Variants in COX11 observed in about 807,000 individuals in gnomAD.
The protein encoded by COX11 is cytochrome c oxidase assembly protein COX11, mitochondrial.
A neutral mutation model predicts 29.4 loss-of-function variants in COX11; 18 were observed. The ratio of observed to expected loss-of-function variants is 0.61; its 90% confidence interval spans 0.42 to 0.91. The LOEUF is 0.91. Among genes scored for constraint, COX11 ranks in the 40% least tolerant of loss-of-function variants. COX11 has a pLI of 0.00. For synonymous variants in COX11, 131 were observed against 124.0 expected, an observed-to-expected ratio of 1.06 and a Z score of -0.38; for missense variants, 312 against 346.0, an observed-to-expected ratio of 0.90 and a Z score of 0.78.
chr17:54,956,282 C>A (rs894379354), downstream of COX11, among the ~76,000 whole-genome samples: 15 of 151,990 alleles, frequency 9.9e-5, no homozygotes, highest in Non-Finnish European at 2.2e-4. Flanking sequence ...GTAGCTGAGA[C>A]TATTGGGGTG....
At chr17:54,963,193 G>T in intron 3 of COX11, 113 bp downstream of exon 3, 1 of 1,215,812 alleles carries the variant, frequency 8.2e-7, no homozygotes, top group Non-Finnish European at 1.2e-6. Context: ...ATAGCTTGAT[G>T]TTTAGAAGAA....
intron 1 of COX11, among the ~76,000 whole-genome samples, chr17:54,967,042 GCA>G (rs71159276): frequency 0.33 from 31,767 of 95,544 alleles, 3,656 homozygotes; most frequent in Middle Eastern, 0.5. Flanking sequence ...GCGCGCGCGC[GCA>G]CACACACACA....
downstream of COX11, among the ~76,000 whole-genome samples, chr17:54,958,838 G>C (rs2077030508): frequency 6.6e-6 from 1 of 151,478 alleles, no homozygotes; most frequent in East Asian, 1.9e-4. Flanking sequence ...GGGAGACATG[G>C]GAGATGCTGG....
Position 54,968,626 on chromosome 17 carries a change from A to G in COX11, c.21T>C (p.Pro7=), listed in dbSNP as rs775138097. MGGLWR[P]GWRCVPFCGW... ...CACAGAAAGGAACGCACCTCCATCC[A>G]GGACGCCAGAGCCCTCCCATAACCC... is the stretch of plus-strand genomic sequence containing the variant. The change falls in exon 1 of 4, where the codon CCT becomes CCC. Residue 7 remains proline (P), a synonymous_variant. Transcript: ENST00000299335. 15 of 1,612,588 alleles carry G rather than the reference A, an allele frequency of 9.3e-6. No individual in the cohort carries two copies. Among genetic ancestry groups the G allele is most frequent in the South Asian group, 2.2e-5 (2 of 91,076 alleles).
At chr17:54,963,567 A>G in intron 2 of COX11, 136 bp from the exon 3 acceptor site, 2 of 790,470 alleles carry the variant, frequency 2.5e-6, no homozygotes, top group East Asian at 3.0e-5. Flanking sequence ...AGCAAAATAA[A>G]TTGTGAATAT....
downstream of COX11, among the ~76,000 whole-genome samples, chr17:54,959,771 C>G (rs956930579): frequency 6.6e-6 from 1 of 151,970 alleles, no homozygotes; most frequent in African/African-American, 2.4e-5. Context: ...GTGTGTACCA[C>G]CACACATGAT....
intron 1 of COX11, among the ~76,000 whole-genome samples, chr17:54,967,714 T>C (rs1598119777): frequency 1.3e-5 from 2 of 150,452 alleles, no homozygotes; most frequent in East Asian, 2.0e-4. Context: ...CCCAGAACCG[T>C]TGCAATGTAC....
chr17:54,966,235 G>A (rs1394668635), intron 1 of COX11, among the ~76,000 whole-genome samples: 3 of 152,062 alleles, frequency 2.0e-5, no homozygotes, highest in Non-Finnish European at 2.9e-5. Flanking sequence ...TTTGAATATG[G>A]GTTCAAATTT....
downstream of COX11, among the ~76,000 whole-genome samples, chr17:54,960,082 G>T (rs1024963188): frequency 6.6e-6 from 1 of 152,200 alleles, no homozygotes; most frequent in Non-Finnish European, 1.5e-5. Flanking sequence ...CAACAATAAG[G>T]CCGGGTGTGG....
chr17:54,964,055 C>T (rs2077178068), intron 2 of COX11, among the ~76,000 whole-genome samples: 2 of 152,114 alleles, frequency 1.3e-5, no homozygotes, highest in African/African-American at 4.8e-5. Context: ...GTCATGTTTA[C>T]TAAACTGGGC....
chr17:54,957,991 A>G (rs539795960), downstream of COX11: 6 of 152,332 alleles, frequency 3.9e-5, no homozygotes, highest in Non-Finnish European at 7.3e-5. Context: ...TTAAATGAGG[A>G]TTAGAGAAAG....
downstream of COX11, among the ~76,000 whole-genome samples, chr17:54,956,028 T>A (rs2049482419): frequency 6.6e-6 from 1 of 152,136 alleles, no homozygotes; most frequent in Non-Finnish European, 1.5e-5. Context: ...CAGGAGCCTA[T>A]AAGGGAGGTC....
At chr17:54,954,079 G>C (rs902982199) in exon 1 of COX11, 6 of 152,090 alleles carry the variant, frequency 3.9e-5, no homozygotes, top group African/African-American at 1.4e-4. Context: ...TGTTATCACT[G>C]GGGTCCCAGT....
chr17:54,959,330 G>C (rs2077047649), downstream of COX11: 1 of 152,070 alleles, frequency 6.6e-6, no homozygotes, highest in African/African-American at 2.4e-5. Context: ...AGAATTGAAT[G>C]GGCCTGGCAT....
At chr17:54,963,122 G>A (rs1427990385) in intron 3 of COX11, 184 bp downstream of exon 3, 18 of 785,836 alleles carry the variant, frequency 2.3e-5, no homozygotes, top group Non-Finnish European at 3.6e-5. Flanking sequence ...AATCTTAAAA[G>A]CAGATATCCA....
At chr17:54,964,005 T>C (rs983444797) in intron 2 of COX11, among the ~76,000 whole-genome samples, 7 of 152,122 alleles carry the variant, frequency 4.6e-5, no homozygotes, top group African/African-American at 1.7e-4. Flanking sequence ...TTGGAGAAGA[T>C]TCATAATCAT....
At chr17:54,960,157 GT>G (rs1177223583), downstream of COX11, among the ~76,000 whole-genome samples, 1 of 152,128 alleles carries the variant, frequency 6.6e-6, no homozygotes, top group Non-Finnish European at 1.5e-5. Flanking sequence ...GAGGTCAGGA[GT>G]TTGAAACCAG....
chr17:54,956,684 ATCC>A (rs1598082175), downstream of COX11: 3 of 152,044 alleles, frequency 2.0e-5, no homozygotes, highest in East Asian at 5.8e-4. Flanking sequence ...GGCTCAAGCA[ATCC>A]TCCTGCCTCA....
At chr17:54,960,003 C>A (rs1376172174), downstream of COX11, among the ~76,000 whole-genome samples, 1 of 152,084 alleles carries the variant, frequency 6.6e-6, no homozygotes, top group East Asian at 1.9e-4. Context: ...AGTCATATTT[C>A]TCATTTCAAT....
Sources: gnomAD v4.1 joint callset for allele counts (sites outside exome capture counted in the v4.1 genomes callset) on GRCh38, gnomAD v4.1.1 for gene constraint, MANE v1.5 for transcripts, NCBI Gene and HGNC (gene_info 2026-07-23, HGNC 2026-07-21) for gene names.